ZNF141: variants seen among roughly 807,000 people sequenced by gnomAD.
ZNF141 encodes zinc finger protein 141 (clone pHZ-44).
ZNF141 carries 7 observed loss-of-function variants against 11.3 expected under a neutral mutation model. The ratio of observed to expected loss-of-function variants is 0.62; its 90% CI spans 0.35 to 1.16. ZNF141 has a LOEUF of 1.16. Ranked by LOEUF, ZNF141 falls within the 50% of genes most tolerant of loss-of-function variation. The pLI is 0.02. For synonymous variants in ZNF141, 183 were observed against 190.7 expected, an observed-to-expected ratio of 0.96 and a Z score of 0.33; for missense variants, 535 against 554.0, an observed-to-expected ratio of 0.97 and a Z score of 0.34.
In ZNF141 at chr4:375,461, A is replaced by G. The variant is rs1712315783; in HGVS notation, c.*1599A>G. On this transcript the variant is annotated 3_prime_UTR_variant, in exon 4 of 4. Coordinates refer to ENST00000240499, the MANE Select transcript of ZNF141 (RefSeq NM_003441.4). Reference sequence around the variant, plus strand: ...GTTTACACTAGAAAATATTTTGTAGATGCAGTAAATGTGAAGAAATATTTA... The same window carrying G: ...GTTTACACTAGAAAATATTTTGTAGGTGCAGTAAATGTGAAGAAATATTTA... Among the ~76,000 whole-genome samples, 1 of 152,138 alleles carries G rather than the reference A, an allele frequency of 6.6e-6. No homozygotes were observed. The highest frequency in any genetic ancestry group is 2.4e-5 in the African/African-American group (1 of 41,454).
Position 383,356 on chromosome 4 carries a change from A to G in ZNF141, c.*9494A>G. On this transcript the variant is annotated 3_prime_UTR_variant, in exon 4 of 4. Transcript: ENST00000240499. ...TTATGCAGTTATAAGTTAGTAATAT[A>G]TACACCCATTAAAGACAGGATCTCA... 5.8e-6 allele frequency: 3 copies of G among 514,402 alleles called. No individual in the cohort carries two copies. In the South Asian group the frequency reaches 9.5e-5, roughly 16 times the overall value. 31.9% of individuals were successfully genotyped at this position (514,402 alleles called of 1,614,324 possible). A position where few individuals can be genotyped will look rare whatever the true frequency, so the allele number is the denominator to read the frequency against.
intron 1 of ZNF141, chr4:342,745 C>T: frequency 7.2e-7 from 1 of 1,386,046 alleles, no homozygotes; most frequent in Non-Finnish European, 1.0e-6. Context: ...GGTGAAAAGT[C>T]CTTATTTATT....
At chr4:346,711 A>G (rs1331496920) in intron 3 of ZNF141, among the ~76,000 whole-genome samples, 2 of 152,072 alleles carry the variant, frequency 1.3e-5, no homozygotes, top group Non-Finnish European at 2.9e-5. Flanking sequence ...AACTGAGAAA[A>G]TTTAGTTTCT....
chr4:357,918 G>C (rs567093198), intron 3 of ZNF141, among the ~76,000 whole-genome samples: 2 of 151,388 alleles, frequency 1.3e-5, no homozygotes, highest in Admixed American at 6.6e-5. Flanking sequence ...ACAGGATTTC[G>C]CCATGTTGGC....
rs1351801070 is a variant in ZNF141, at chr4:383,949, T to G, written c.*10087T>G. ...CCACCCTGTAGAGTGCTTTCTCACT[T>G]TAATAAAATCTTGCTTTTGCTATTC... On this transcript the variant is annotated 3_prime_UTR_variant, in exon 4 of 4. Coordinates refer to ENST00000240499, the MANE Select transcript of ZNF141 (RefSeq NM_003441.4). 1 of 152,302 alleles carries G rather than the reference T, an allele frequency of 6.6e-6. No homozygotes were observed. The highest frequency in any genetic ancestry group is 1.5e-5 in the Non-Finnish European group (1 of 68,094). 9.4% of individuals were successfully genotyped at this position (152,302 alleles called of 1,614,324 possible).
chr4:338,175 C>T (rs1720881287), intron 1 of ZNF141, 189 bp downstream of exon 1: 1 of 645,470 alleles, frequency 1.5e-6, no homozygotes, highest in Non-Finnish European at 2.5e-6. Context: ...CAGCCTGCAG[C>T]CCTCCTTGTG....
chr4:356,669 G>A (rs1721855994), intron 3 of ZNF141, among the ~76,000 whole-genome samples: 3 of 152,124 alleles, frequency 2.0e-5, no homozygotes, highest in Admixed American at 1.3e-4. Flanking sequence ...ATTTTGAGGG[G>A]ACACTAAAAC....
chr4:367,978 AAT>A (rs1711831558), intron 3 of ZNF141, among the ~76,000 whole-genome samples: 1 of 152,144 alleles, frequency 6.6e-6, no homozygotes, highest in Non-Finnish European at 1.5e-5. Flanking sequence ...CTCTGTCTGG[AAT>A]ATGTTTATCT....
chr4:365,936 A>T (rs1711721796), intron 3 of ZNF141, among the ~76,000 whole-genome samples: 1 of 152,178 alleles, frequency 6.6e-6, no homozygotes. Flanking sequence ...TTTGTTGAAA[A>T]TCACTTGCCT....
intron 2 of ZNF141, among the ~76,000 whole-genome samples, 168 bp from the exon 3 acceptor site, chr4:344,167 G>T (rs1314704874): frequency 1.3e-5 from 2 of 152,010 alleles, no homozygotes; most frequent in Non-Finnish European, 2.9e-5. Context: ...CTTAGAACCC[G>T]CAGATTTAAA....
rs1553853739 is a variant in ZNF141 at position 372,743 on chromosome 4, A to G, written c.306A>G (p.Arg102=). ...EDSFHKLILR[R]YEKCGHDNLQ... ...CATTCCACAAACTTATACTGAGAAG[A>G]TATGAGAAATGTGGACATGATAATT... The change falls in exon 4 of 4, where the codon AGA becomes AGG. Residue 102 remains arginine, a synonymous_variant. Coordinates refer to ENST00000240499, the MANE Select transcript of ZNF141 (RefSeq NM_003441.4). 1 of 1,613,582 alleles carries G rather than the reference A, an allele frequency of 6.2e-7. No homozygotes were observed. The highest frequency in any genetic ancestry group is 8.5e-7 in the Non-Finnish European group (1 of 1,179,682).
intron 3 of ZNF141, 45 bp from the exon 4 acceptor site, chr4:372,619 A>C: frequency 1.4e-6 from 2 of 1,408,052 alleles, no homozygotes; most frequent in Non-Finnish European, 1.9e-6. Flanking sequence ...GTATATTTAT[A>C]TGAATCTACT....
intron 3 of ZNF141, among the ~76,000 whole-genome samples, chr4:354,338 C>T (rs1417056364): frequency 6.6e-6 from 1 of 152,182 alleles, no homozygotes; most frequent in Non-Finnish European, 1.5e-5. Flanking sequence ...TGCCTAAGTC[C>T]AGGGCCTGCT....
rs915089114 is a variant in ZNF141, at chr4:379,415, G to A, written c.*5553G>A. 4.6e-5 allele frequency among the ~76,000 whole-genome samples: 7 copies of A among 151,464 alleles called. No individual in the cohort carries two copies. The highest frequency in any genetic ancestry group is 7.4e-5 in the Non-Finnish European group (5 of 67,810). On this transcript the variant is annotated 3_prime_UTR_variant, in exon 4 of 4. Transcript: ENST00000240499. ...TTTTGAGACGGAGTCTCGCTCTGTC[G>A]CCAGGCTGGAGTACAGTGGTGCGAT...
intron 1 of ZNF141, 63 bp from the exon 2 acceptor site, chr4:343,719 C>T (rs551758966): frequency 5.2e-5 from 66 of 1,269,376 alleles, no homozygotes; most frequent in East Asian, 2.0e-4. Flanking sequence ...AGCGAGACTC[C>T]GTCTCAAAAA....
At chr4:341,920 A>G (rs1391534553) in intron 1 of ZNF141, among the ~76,000 whole-genome samples, 4 of 152,196 alleles carry the variant, frequency 2.6e-5, no homozygotes, top group African/African-American at 4.8e-5. Flanking sequence ...CCACCCAGCA[A>G]CCTGTTCTCT....
chr4:344,573 A>G (rs1581583935), intron 3 of ZNF141, 143 bp downstream of exon 3: 7 of 556,092 alleles, frequency 1.3e-5, no homozygotes, highest in Non-Finnish European at 2.2e-5. Context: ...AGGCAGGCGG[A>G]TCACGAGGTC....
At chr4:339,363 A>G (rs542654964) in intron 1 of ZNF141, among the ~76,000 whole-genome samples, 2 of 152,338 alleles carry the variant, frequency 1.3e-5, no homozygotes, top group African/African-American at 4.8e-5. Context: ...AGCACAAACC[A>G]GTCCTTTCGT....
chr4:383,832 A>T lies in ZNF141; in HGVS notation c.*9970A>T, dbSNP rs1462896408. ...GCCAAGGACCAAATCCTTCATTCAGATAAGGGGTAGCTGATAGGAACCTCA... is the reference window on the plus strand; with the variant it reads ...GCCAAGGACCAAATCCTTCATTCAGTTAAGGGGTAGCTGATAGGAACCTCA... On this transcript the variant is annotated 3_prime_UTR_variant, in exon 4 of 4. Coordinates refer to ENST00000240499, the MANE Select transcript of ZNF141 (RefSeq NM_003441.4). 1.3e-5 allele frequency: 2 copies of T among 152,262 alleles called. No homozygotes were observed. Among genetic ancestry groups the T allele is most frequent in the Non-Finnish European group, 2.9e-5 (2 of 68,062 alleles). 9.4% of individuals were successfully genotyped at this position (152,262 alleles called of 1,614,324 possible).
Sources: allele counts gnomAD v4.1 joint callset (sites outside exome capture counted in the v4.1 genomes callset), GRCh38; gene constraint gnomAD v4.1.1; transcripts MANE v1.5; gene names NCBI Gene and HGNC (gene_info 2026-07-23, HGNC 2026-07-21).